The following FCN3 variants were observed in gnomAD, a reference collection of about 807,000 sequenced individuals.
FCN3 encodes the protein ficolin 3.
FCN3 carries 28 observed loss-of-function variants against 31.5 expected under a neutral mutation model. The observed-to-expected ratio is 0.89, with a 90% CI of 0.66 to 1.22. The LOEUF (loss-of-function observed/expected upper bound fraction) is 1.22. FCN3 is among the 50% of genes most tolerant of loss of function. FCN3 has a pLI of 0.00. For missense variants in FCN3, 351 were observed against 386.8 expected (o/e 0.91, Z 0.78); for synonymous variants, 124 against 147.4 (o/e 0.84, Z 1.15).
At position 27,373,138 on chromosome 1, in the gene FCN3, G is replaced by A. The variant is rs776442952; in HGVS notation, c.391C>T (p.Leu131=). 6.2e-7 allele frequency: 1 copy of A among 1,613,666 alleles called. No homozygotes were observed. The highest frequency in any genetic ancestry group is 1.1e-5 in the South Asian group (1 of 91,038). ...TAGCCCATTTCTCAGACACTCACCAGCCAGCCGCCCCCCTCGGTGTCCATG... is the reference window on the plus strand; with the variant it reads ...TAGCCCATTTCTCAGACACTCACCAACCAGCCGCCCCCCTCGGTGTCCATG... ...CDMDTEGGGW[L]VFQRRQDGSV... The change falls in exon 5 of 8, where the codon CTG becomes TTG. Residue 131 remains leucine (L), a splice_region_variant and synonymous_variant. Coordinates refer to ENST00000270879, the MANE Select transcript of FCN3 (RefSeq NM_003665.4).
intron 3 of FCN3, chr1:27,373,739 C>G (rs190348467): frequency 3.0e-5 from 19 of 643,878 alleles, no homozygotes; most frequent in Admixed American, 8.3e-5. Context: ...TCATAGGGTA[C>G]CCAGGCCCTT....
chr1:27,374,437 C>T lies in FCN3; in HGVS notation c.106G>A (p.Glu36Lys), dbSNP rs751330142. 3.1e-6 allele frequency: 5 copies of T among 1,613,678 alleles called. No homozygotes were observed. In the South Asian group the frequency reaches 5.5e-5, roughly 18 times the overall value. Residue 36 changes from glutamate to lysine, a missense_variant, in exon 2 of 8, where the codon GAA becomes AAA. Transcript: ENST00000270879. ...HPSCPGPREL[E>K]ASKVVLLPSC... ...GGCAGGAGGACAACTTTGCTGGCTTCCAGTTCCCTGGGTCCTACAGGGAGA... is the reference window on the plus strand; with the variant it reads ...GGCAGGAGGACAACTTTGCTGGCTTTCAGTTCCCTGGGTCCTACAGGGAGA...
At position 27,370,986 on chromosome 1, in the gene FCN3, G is replaced by C. The variant is rs760660955; in HGVS notation, c.394-14C>G. The C allele has an allele frequency of 6.2e-6, 10 of 1,610,518 alleles. No individual in the cohort carries two copies. The highest frequency in any genetic ancestry group is 3.3e-5 in the Admixed American group (2 of 59,924). ...CCTCTGAAACACCTGGGGGAGGGGG[G>C]GCACAGCAGCTATTACTCCAGGCTG... On this transcript the variant is annotated splice_polypyrimidine_tract_variant and intron_variant, in intron 5 of 7. Coordinates refer to ENST00000270879, the MANE Select transcript of FCN3 (RefSeq NM_003665.4).
chr1:27,372,739 C>T lies in FCN3; in HGVS notation c.393+397G>A, dbSNP rs187404749. Among the ~76,000 whole-genome samples, 270 of 146,606 alleles carry T rather than the reference C, an allele frequency of 1.8e-3. 1 individual carries two copies. The highest frequency in any genetic ancestry group is 6.1e-3 in the African/African-American group (246 of 40,024). ...TACTCTGCTGCCTCCCTGAGTTTATCTTTACTTCTAGCTGGAATGCCCCTC... is the reference window on the plus strand; with the variant it reads ...TACTCTGCTGCCTCCCTGAGTTTATTTTTACTTCTAGCTGGAATGCCCCTC... On this transcript the variant is annotated intron_variant, in intron 5 of 7. Coordinates refer to ENST00000270879, the MANE Select transcript of FCN3 (RefSeq NM_003665.4).
At position 27,374,003 on chromosome 1, in the gene FCN3, G is replaced by T; in HGVS notation, c.194C>A (p.Pro65His). The change falls in exon 3 of 8, where the codon CCT (proline) becomes CAT (histidine). Residue 65 changes from proline (P) to histidine (H), a missense_variant. Coordinates refer to ENST00000270879, the MANE Select transcript of FCN3 (RefSeq NM_003665.4). ...EKGAPGPQGP[P>H]GPPGKMGPKG... ...GGGGCCCATCTTGCCTGGTGGTCCA[G>T]GTGGCCCTGAAATCACAAAGGCAGA... 6.2e-7 allele frequency: 1 copy of T among 1,613,662 alleles called. No homozygotes were observed. Among genetic ancestry groups the T allele is most frequent in the Non-Finnish European group, 8.5e-7 (1 of 1,179,950 alleles).
At chr1:27,372,689 A>G (rs1166078944) in intron 5 of FCN3, among the ~76,000 whole-genome samples, 1 of 149,836 alleles carries the variant, frequency 6.7e-6, no homozygotes, top group Non-Finnish European at 1.5e-5. Context: ...CTCTCAGCTC[A>G]CTCACGCGTT....
In FCN3 at chr1:27,370,658, C is replaced by A. The variant is rs546449247; in HGVS notation, c.596G>T (p.Arg199Leu). The A allele has an allele frequency of 2.5e-6, 4 of 1,614,212 alleles. No homozygotes were observed. The South Asian group carries it at 3.3e-5, about 13-fold the overall frequency. ...NRTFAHYATF[R>L]LLGEVDHYQL... ...GTAGTGGTCTACCTCACCGAGGAGG[C>A]GGAAGGTCGCATAGTGGGCGAAAGT... Residue 199 changes from arginine (R) to leucine (L), a missense_variant, in exon 7 of 8, where the codon CGC (arginine) becomes CTC (leucine). Coordinates refer to ENST00000270879, the MANE Select transcript of FCN3 (RefSeq NM_003665.4).
rs1371000231 is a variant in FCN3 at position 27,369,232 on chromosome 1, T to A, written c.*4A>T. Reference sequence around the variant, plus strand: ...GAGATAAGGGCACTGGCTGCCAGAGTGCCCTATCGAAGCATCATCCGAACC... The same window carrying A: ...GAGATAAGGGCACTGGCTGCCAGAGAGCCCTATCGAAGCATCATCCGAACC... On this transcript the variant is annotated 3_prime_UTR_variant, in exon 8 of 8. Transcript: ENST00000270879. The A allele has an allele frequency of 6.2e-7, 1 of 1,613,780 alleles. No individual in the cohort carries two copies. Among genetic ancestry groups the A allele is most frequent in the Non-Finnish European group, 8.5e-7 (1 of 1,179,844 alleles).
chr1:27,370,483 C>T (rs28385727), intron 7 of FCN3, 113 bp downstream of exon 7: 101 of 903,512 alleles, frequency 1.1e-4, no homozygotes, highest in Non-Finnish European at 1.6e-4. Flanking sequence ...TTCTCAGATG[C>T]GGAAACTAAG....
In FCN3 at chr1:27,374,000, C is replaced by G; in HGVS notation, c.197G>C (p.Gly66Ala). 6.2e-7 allele frequency: 1 copy of G among 1,613,660 alleles called. No individual in the cohort carries two copies. The highest frequency in any genetic ancestry group is 1.7e-5 in the Admixed American group (1 of 60,014). Reference sequence around the variant, plus strand: ...CTTGGGGCCCATCTTGCCTGGTGGTCCAGGTGGCCCTGAAATCACAAAGGC... The same window carrying G: ...CTTGGGGCCCATCTTGCCTGGTGGTGCAGGTGGCCCTGAAATCACAAAGGC... ...KGAPGPQGPP[G>A]PPGKMGPKGE... The change falls in exon 3 of 8, where the codon GGA (glycine) becomes GCA (alanine). Residue 66 changes from glycine to alanine, a missense_variant. Coordinates refer to ENST00000270879, the MANE Select transcript of FCN3 (RefSeq NM_003665.4).
intron 5 of FCN3, 119 bp from the exon 6 acceptor site, chr1:27,371,091 A>C: frequency 2.0e-6 from 2 of 977,556 alleles, no homozygotes; most frequent in Non-Finnish European, 1.6e-6. Flanking sequence ...CCTGTTGATA[A>C]AATGGGGATC....
intron 5 of FCN3, among the ~76,000 whole-genome samples, chr1:27,372,237 G>A (rs2016159812): frequency 6.7e-6 from 1 of 148,356 alleles, no homozygotes; most frequent in Non-Finnish European, 1.5e-5. Context: ...CCATTGCCCT[G>A]CACACTCTTC....
At chr1:27,374,630 C>T (rs1012540064) in intron 1 of FCN3, 98 bp downstream of exon 1, 4 of 810,694 alleles carry the variant, frequency 4.9e-6, no homozygotes, top group Non-Finnish European at 3.8e-6. Flanking sequence ...GATTATGAAA[C>T]TCCCACCCTG....
At position 27,370,683 on chromosome 1, in the gene FCN3, T is replaced by A; in HGVS notation, c.571A>T (p.Thr191Ser). Residue 191 changes from threonine to serine, a missense_variant, in exon 7 of 8, where the codon ACT becomes TCT. Transcript: ENST00000270879. Reference sequence around the variant, plus strand: ...CGGAAGGTCGCATAGTGGGCGAAAGTACGGTTACCATTAAAGTCTTCCAGC... The same window carrying A: ...CGGAAGGTCGCATAGTGGGCGAAAGAACGGTTACCATTAAAGTCTTCCAGC... ...VELEDFNGNR[T>S]FAHYATFRLL... The A allele has an allele frequency of 6.2e-7, 1 of 1,614,186 alleles. No homozygotes were observed. The highest frequency in any genetic ancestry group is 1.3e-5 in the African/African-American group (1 of 75,026).
rs1246183208 is a variant in FCN3 at position 27,374,004 on chromosome 1, G to A, written c.193C>T (p.Pro65Ser). 1 of 1,613,522 alleles carries A rather than the reference G, an allele frequency of 6.2e-7. No individual in the cohort carries two copies. Among genetic ancestry groups the A allele is most frequent in the African/African-American group, 1.3e-5 (1 of 74,930 alleles). Reference protein sequence around the residue: ...EKGAPGPQGPPGPPGKMGPKG... With the variant: ...EKGAPGPQGPSGPPGKMGPKG... ...GGGCCCATCTTGCCTGGTGGTCCAG[G>A]TGGCCCTGAAATCACAAAGGCAGAG... The change falls in exon 3 of 8, where the codon CCT becomes TCT. Residue 65 changes from proline (P) to serine (S), a missense_variant. Physicochemically the swap from Pro to Ser is moderately conservative, Grantham distance 74. Coordinates refer to ENST00000270879, the MANE Select transcript of FCN3 (RefSeq NM_003665.4).
At position 27,369,198 on chromosome 1, in the gene FCN3, T is replaced by C; in HGVS notation, c.*38A>G. ...GCAAGGTGGCTGACGATCCGGAAGC[T>C]GTACAGGAGAGATAAGGGCACTGGC... On this transcript the variant is annotated 3_prime_UTR_variant, in exon 8 of 8. Coordinates refer to ENST00000270879, the MANE Select transcript of FCN3 (RefSeq NM_003665.4). 1 of 1,601,414 alleles carries C rather than the reference T, an allele frequency of 6.2e-7. No individual in the cohort carries two copies. The highest frequency in any genetic ancestry group is 8.5e-7 in the Non-Finnish European group (1 of 1,169,870).
At chr1:27,372,085 C>A (rs768517748) in intron 5 of FCN3, among the ~76,000 whole-genome samples, 26 of 151,898 alleles carry the variant, frequency 1.7e-4, no homozygotes, top group Non-Finnish European at 1.0e-4. Context: ...TACTGCCTGG[C>A]TCCTTGCTGT....
chr1:27,372,327 A>G (rs2016161651), intron 5 of FCN3, among the ~76,000 whole-genome samples: 1 of 151,512 alleles, frequency 6.6e-6, no homozygotes, highest in Non-Finnish European at 1.5e-5. Flanking sequence ...GGCTCACTGC[A>G]ACCACCACCT....
In FCN3 at chr1:27,369,274, C is replaced by T; in HGVS notation, c.862G>A (p.Gly288Ser). 3 of 1,614,210 alleles carry T rather than the reference C, an allele frequency of 1.9e-6. No individual in the cohort carries two copies. The highest frequency in any genetic ancestry group is 2.5e-6 in the Non-Finnish European group (3 of 1,180,042). ...ATCCGAACCCTGCGGTAGGGGTGGC[C>T]CACACCACGGCCTGAGGCCCAGTCA... Reference protein sequence around the residue: ...GIDWASGRGVGHPYRRVRMML... With the variant: ...GIDWASGRGVSHPYRRVRMML... Residue 288 changes from glycine (G) to serine (S), a missense_variant, in exon 8 of 8, where the codon GGC becomes AGC. Coordinates refer to ENST00000270879, the MANE Select transcript of FCN3 (RefSeq NM_003665.4).
Sources: allele counts gnomAD v4.1 joint callset (sites outside exome capture counted in the v4.1 genomes callset), GRCh38; gene constraint gnomAD v4.1.1; transcripts MANE v1.5; gene names NCBI Gene and HGNC (gene_info 2026-07-23, HGNC 2026-07-21).